Variants in LARGE1 observed in about 807,000 individuals in gnomAD.
The protein encoded by LARGE1 is LARGE xylosyl- and glucuronyltransferase 1.
A neutral mutation model predicts 87.6 loss-of-function variants in LARGE1; 43 were observed. The observed-to-expected ratio is 0.49, with a 90% CI of 0.38 to 0.63. The LOEUF is 0.63. Among genes scored for constraint, LARGE1 ranks in the 30% least tolerant of loss-of-function variants. The pLI is 0.00. For synonymous variants in LARGE1, 434 were observed against 394.6 expected (o/e 1.10, Z -1.18); for missense variants, 802 against 1,000.2 (o/e 0.80, Z 2.67).
At chr22:33,275,351 T>C (rs1276720211) in intron 14 of LARGE1, among the ~76,000 whole-genome samples, 2 of 152,190 alleles carry the variant, frequency 1.3e-5, no homozygotes, top group Middle Eastern at 3.2e-3. Context: ...CTCAGATCTA[T>C]TTACTCTCAT....
intron 2 of LARGE1, among the ~76,000 whole-genome samples, chr22:33,678,696 G>T (rs2081652965): frequency 6.6e-6 from 1 of 152,204 alleles, no homozygotes; most frequent in Non-Finnish European, 1.5e-5. Flanking sequence ...GACATTCAGA[G>T]ATCCGAGGAG....
chr22:33,656,782 C>A (rs2080972410), intron 2 of LARGE1, among the ~76,000 whole-genome samples: 1 of 152,194 alleles, frequency 6.6e-6, no homozygotes, highest in Non-Finnish European at 1.5e-5. Flanking sequence ...AAGCTGACAA[C>A]ATCATCCTCC....
chr22:33,693,805 C>T (rs373168790), intron 2 of LARGE1, among the ~76,000 whole-genome samples: 10 of 151,270 alleles, frequency 6.6e-5, no homozygotes, highest in South Asian at 2.1e-4. Context: ...GCCTGGGCAA[C>T]GGGGCGAGAC....
In LARGE1 at chr22:33,381,958, G is replaced by A. The variant is rs144216539; in HGVS notation, c.1092C>T (p.Thr364=). ...CFWNVQLSDH[T]RSEQCYRDVS... The stretch of plus-strand genomic sequence containing the variant: ...CGTCTCTGTAGCACTGCTCGGAGCG[G>A]GTGTGGTCTGACAGCTGCACATTCC... The change falls in exon 9 of 15, where the codon ACC becomes ACT. Residue 364 remains threonine (T), a synonymous_variant. Coordinates refer to ENST00000397394, the MANE Select transcript of LARGE1 (RefSeq NM_133642.5). 2,389 of 1,614,104 alleles carry A rather than the reference G, an allele frequency of 1.5e-3. 1 individual carries two copies. The highest frequency in any genetic ancestry group is 1.9e-3 in the Admixed American group (114 of 60,010).
At chr22:33,531,317 C>T (rs2072189008) in intron 6 of LARGE1, among the ~76,000 whole-genome samples, 1 of 143,630 alleles carries the variant, frequency 7.0e-6, no homozygotes, top group African/African-American at 2.6e-5. Flanking sequence ...GCCACCATGC[C>T]CAGCTAATTT....
chr22:33,418,229 G>A (rs570021681), intron 7 of LARGE1, among the ~76,000 whole-genome samples: 1 of 152,262 alleles, frequency 6.6e-6, no homozygotes, highest in East Asian at 1.9e-4. Context: ...TTACAGTCGT[G>A]AGCCACTGCA....
chr22:33,781,943 A>T (rs559587975), intron 1 of LARGE1, among the ~76,000 whole-genome samples: 1 of 152,312 alleles, frequency 6.6e-6, no homozygotes, highest in Admixed American at 6.5e-5. Context: ...GTGTGTGTAT[A>T]TACATATATA....
intron 6 of LARGE1, among the ~76,000 whole-genome samples, chr22:33,496,988 T>C (rs2070158962): frequency 6.6e-6 from 1 of 152,164 alleles, no homozygotes; most frequent in Non-Finnish European, 1.5e-5. Context: ...AGAAATCTGA[T>C]ACTTGGAAAG....
chr22:33,292,522 G>A (rs181001913), intron 12 of LARGE1, among the ~76,000 whole-genome samples: 5 of 152,260 alleles, frequency 3.3e-5, no homozygotes, highest in African/African-American at 1.2e-4. Flanking sequence ...AGAGCACGAT[G>A]TTCAATGGCA....
intron 11 of LARGE1, among the ~76,000 whole-genome samples, chr22:33,200,560 T>C (rs148005673): frequency 6.6e-6 from 1 of 151,838 alleles, no homozygotes; most frequent in African/African-American, 2.4e-5. Flanking sequence ...AACAGCATTA[T>C]TCATGTTAGT....
chr22:33,817,085 T>C (rs1273813249), intron 1 of LARGE1, among the ~76,000 whole-genome samples: 1 of 152,198 alleles, frequency 6.6e-6, no homozygotes. Context: ...TGTATACGTA[T>C]ATAGACATAC....
At chr22:33,736,041 T>A (rs1049373100) in intron 2 of LARGE1, among the ~76,000 whole-genome samples, 6 of 152,250 alleles carry the variant, frequency 3.9e-5, no homozygotes, top group African/African-American at 1.4e-4. Context: ...ATTTATTAAC[T>A]GATAGACATT....
chr22:33,857,964 G>A (rs1188244477), intron 1 of LARGE1, among the ~76,000 whole-genome samples: 1 of 152,150 alleles, frequency 6.6e-6, no homozygotes, highest in Non-Finnish European at 1.5e-5. Flanking sequence ...TTCCAAAATG[G>A]CGGCCGGTCG....
At chr22:33,454,712 G>A (rs921504888) in intron 6 of LARGE1, among the ~76,000 whole-genome samples, 1 of 152,084 alleles carries the variant, frequency 6.6e-6, no homozygotes, top group Non-Finnish European at 1.5e-5. Context: ...CCGCTTCTGG[G>A]GAGGCCTCAG....
Position 33,252,261 on chromosome 22 carries a change from C to G in LARGE1, c.1730+51968G>C, listed in dbSNP as rs1010313399. Among the ~76,000 whole-genome samples, 456 of 143,282 alleles carry G rather than the reference C, an allele frequency of 3.2e-3. 6 individuals are homozygous for G. The highest frequency in any genetic ancestry group is 0.011 in the African/African-American group (449 of 39,294). The allele number at this position is 143,282 out of a possible 152,430, so 94.0% of individuals were successfully genotyped here. On this transcript the variant is annotated intron_variant, in intron 11 of 11. Coordinates refer to the LARGE1 transcript ENST00000608642. Reference sequence around the variant, plus strand: ...TGATAATTCCTTCATTCCCCCCCCCCCCGCCATTTTAAACTCATTAATATA... The same window carrying G: ...TGATAATTCCTTCATTCCCCCCCCCGCCGCCATTTTAAACTCATTAATATA...
intron 10 of LARGE1, among the ~76,000 whole-genome samples, chr22:33,318,935 C>T (rs1936448976): frequency 6.6e-6 from 1 of 152,092 alleles, no homozygotes; most frequent in African/African-American, 2.4e-5. Flanking sequence ...ACCAAATCAA[C>T]AGTGTAGCAG....
At position 33,438,031 on chromosome 22, in the gene LARGE1, G is replaced by A. The variant is rs1231680324; in HGVS notation, c.788-5766C>T. ...CAAAAGCTTTTCCAATAAGGGTTCT[G>A]TCGGGTAACACCCTTCTAGGAGAGA... is the stretch of plus-strand genomic sequence containing the variant. On this transcript the variant is annotated intron_variant, in intron 6 of 14. Transcript: ENST00000397394. 2.6e-5 allele frequency among the ~76,000 whole-genome samples: 4 copies of A among 152,068 alleles called. No individual in the cohort carries two copies. The South Asian group carries it at 8.3e-4, about 32-fold the overall frequency.
chr22:33,256,213 G>C (rs1258478708), intron 11 of LARGE1, among the ~76,000 whole-genome samples: 1 of 152,212 alleles, frequency 6.6e-6, no homozygotes, highest in Non-Finnish European at 1.5e-5. Flanking sequence ...TGCACATCTG[G>C]AGGACGATAG....
intron 11 of LARGE1, among the ~76,000 whole-genome samples, chr22:33,192,342 G>T (rs1923827646): frequency 2.0e-5 from 3 of 152,118 alleles, no homozygotes; most frequent in Admixed American, 2.0e-4. Context: ...CCTATTAAAA[G>T]AACTTTCTTC....
Sources: gnomAD v4.1 joint callset for allele counts (sites outside exome capture counted in the v4.1 genomes callset) on GRCh38, gnomAD v4.1.1 for gene constraint, MANE v1.5 for transcripts, NCBI Gene and HGNC (gene_info 2026-07-23, HGNC 2026-07-21) for gene names.